PRR16: variants seen among roughly 807,000 people sequenced by gnomAD.
The protein encoded by PRR16 is proline rich 16, also known as protein Largen.
In PRR16, 6 loss-of-function variants were observed where a neutral mutation model predicts 18.2. The ratio of observed to expected loss-of-function variants is 0.33; its 90% CI spans 0.18 to 0.65. The LOEUF is 0.65. PRR16 is among the 30% of genes least tolerant of loss of function. PRR16 has a pLI of 0.74. For missense variants in PRR16, 412 were observed against 376.6 expected (o/e 1.09, Z -0.78); for synonymous variants, 151 against 147.8 (o/e 1.02, Z -0.16).
chr5:120,781,301 G>A, the PRR16 span: 1 of 152,038 alleles, frequency 6.6e-6, no homozygotes, highest in African/African-American at 2.4e-5. Context: ...TAAAATATAA[G>A]TTGTATGTGA....
intron 1 of PRR16, among the ~76,000 whole-genome samples, chr5:120,566,827 C>G (rs1752753633): frequency 1.3e-5 from 2 of 152,162 alleles, no homozygotes; most frequent in African/African-American, 2.4e-5. Context: ...AAGCTATTCT[C>G]TATGAATTCA....
intron 1 of PRR16, among the ~76,000 whole-genome samples, chr5:120,535,200 G>A (rs996989216): frequency 2.0e-5 from 3 of 152,028 alleles, no homozygotes; most frequent in African/African-American, 7.3e-5. Flanking sequence ...TATTTACTGA[G>A]TATCGTCATG....
chr5:120,467,195 G>T lies in PRR16; in HGVS notation c.159+2550G>T, dbSNP rs138204539. Among the ~76,000 whole-genome samples, 469 of 152,168 alleles carry T rather than the reference G, an allele frequency of 3.1e-3. 4 individuals are homozygous for T. Among genetic ancestry groups the T allele is most frequent in the African/African-American group, 0.011 (453 of 41,534 alleles). ...TGAATGTTGCTATTCATCATATTCA[G>T]TATTCTGGCAGCTTAAAATTAGTAC... On this transcript the variant is annotated intron_variant, in intron 1 of 1. Transcript: ENST00000407149.
intron 1 of PRR16, among the ~76,000 whole-genome samples, chr5:120,595,560 T>A (rs1753772911): frequency 6.6e-6 from 1 of 151,800 alleles, no homozygotes; most frequent in African/African-American, 2.4e-5. Flanking sequence ...GGGAGAAGAT[T>A]AGTAAAAATA....
At chr5:120,626,943 C>G (rs1423323960) in intron 1 of PRR16, among the ~76,000 whole-genome samples, 1 of 151,880 alleles carries the variant, frequency 6.6e-6, no homozygotes, top group African/African-American at 2.4e-5. Context: ...TAAAATTTGT[C>G]TTTTCAAATG....
chr5:120,778,074 T>TA, the PRR16 span, among the ~76,000 whole-genome samples: 1 of 152,120 alleles, frequency 6.6e-6, no homozygotes, highest in Non-Finnish European at 1.5e-5. Context: ...ATTTGGGAAA[T>TA]ATCCTGGCAA....
intron 1 of PRR16, among the ~76,000 whole-genome samples, chr5:120,486,840 G>T (rs1250273096): frequency 6.6e-6 from 1 of 152,176 alleles, no homozygotes; most frequent in African/African-American, 2.4e-5. Flanking sequence ...GTAAGGAAGG[G>T]ATCCAGTTTC....
intron 1 of PRR16, among the ~76,000 whole-genome samples, chr5:120,660,364 C>A (rs541292234): frequency 2.0e-5 from 3 of 152,048 alleles, no homozygotes; most frequent in Admixed American, 6.6e-5. Flanking sequence ...TGCCACAGTG[C>A]CCTTTATGTT....
intron 1 of PRR16, among the ~76,000 whole-genome samples, chr5:120,520,905 T>A (rs1034501534): frequency 6.6e-6 from 1 of 152,200 alleles, no homozygotes; most frequent in African/African-American, 2.4e-5. Context: ...ACATTACTTT[T>A]TTTTTTTATA....
At chr5:120,744,331 A>G in the PRR16 span, among the ~76,000 whole-genome samples, 1 of 152,208 alleles carries the variant, frequency 6.6e-6, no homozygotes, top group African/African-American at 2.4e-5. Context: ...GGGACCCTTT[A>G]CGTTTGAAAG....
intron 1 of PRR16, among the ~76,000 whole-genome samples, chr5:120,565,677 C>T (rs1372196084): frequency 6.6e-6 from 1 of 152,154 alleles, no homozygotes; most frequent in East Asian, 1.9e-4. Flanking sequence ...ATACATGCTA[C>T]TAAAAGACTT....
At chr5:120,755,884 G>A in the PRR16 span, among the ~76,000 whole-genome samples, 3 of 152,246 alleles carry the variant, frequency 2.0e-5, no homozygotes, top group South Asian at 6.2e-4. Context: ...TGAAAGAAAA[G>A]TGTACTCCAG....
the PRR16 span, among the ~76,000 whole-genome samples, chr5:120,776,874 G>T: frequency 7.9e-5 from 12 of 152,016 alleles, no homozygotes; most frequent in African/African-American, 2.9e-4. Context: ...TATTATTGTT[G>T]ATTAAAGGTT....
chr5:120,783,866 A>G, the PRR16 span, among the ~76,000 whole-genome samples: 5 of 151,824 alleles, frequency 3.3e-5, no homozygotes, highest in African/African-American at 9.7e-5. Context: ...TTTTCCCCCC[A>G]TTCCCACTAC....
At chr5:120,506,332 A>G (rs1043811541) in intron 1 of PRR16, among the ~76,000 whole-genome samples, 5 of 152,160 alleles carry the variant, frequency 3.3e-5, no homozygotes, top group African/African-American at 1.2e-4. Context: ...GCATAACAAT[A>G]TTAAAATATA....
chr5:120,755,786 G>T, the PRR16 span, among the ~76,000 whole-genome samples: 1 of 152,064 alleles, frequency 6.6e-6, no homozygotes, highest in African/African-American at 2.4e-5. Context: ...ACTATGAGTA[G>T]TCCAGGTTCT....
chr5:120,622,654 T>C (rs1754727563), intron 1 of PRR16, among the ~76,000 whole-genome samples: 1 of 151,954 alleles, frequency 6.6e-6, no homozygotes, highest in African/African-American at 2.4e-5. Context: ...AATTTTTGTA[T>C]TTTTAGTAGA....
intron 1 of PRR16, among the ~76,000 whole-genome samples, chr5:120,642,995 T>C (rs2112860116): frequency 6.6e-6 from 1 of 152,240 alleles, no homozygotes; most frequent in South Asian, 2.1e-4. Context: ...AATCAATATT[T>C]GTGACATGAA....
At chr5:120,511,060 C>G (rs142586555) in intron 1 of PRR16, among the ~76,000 whole-genome samples, 4 of 152,106 alleles carry the variant, frequency 2.6e-5, no homozygotes, top group African/African-American at 7.2e-5. Flanking sequence ...CATACACAAG[C>G]GCCCAGAAAC....
Sources: allele counts gnomAD v4.1 joint callset (sites outside exome capture counted in the v4.1 genomes callset), GRCh38; gene constraint gnomAD v4.1.1; transcripts MANE v1.5; gene names NCBI Gene and HGNC (gene_info 2026-07-23, HGNC 2026-07-21).